The following CPB2 variants were observed in gnomAD, a reference collection of about 807,000 sequenced individuals.
The protein encoded by CPB2 is carboxypeptidase B-like protein.
Under a neutral mutation model 57.0 loss-of-function variants are expected in CPB2, and 54 were observed. That is an observed-to-expected ratio of 0.95 (90% confidence interval 0.76 to 1.19). The LOEUF (loss-of-function observed/expected upper bound fraction) is 1.19, where lower values mean the gene tolerates loss of function less well. Among genes scored for constraint, CPB2 ranks in the 50% most tolerant of loss-of-function variants. The pLI, the probability that CPB2 is intolerant of heterozygous loss-of-function variation, is 0.00. For missense variants in CPB2, 426 were observed against 512.0 expected (o/e 0.83, Z 1.62); for synonymous variants, 189 against 178.1 (o/e 1.06, Z -0.49).
At chr13:46,073,613 T>TTTTTTTTTTTTTTTTTTTTTTTTTTTG (rs1555309106) in intron 6 of CPB2, 1 of 253,692 alleles carries the variant, frequency 3.9e-6, no homozygotes, top group South Asian at 1.4e-4. Context: ...TACTATTTCT[T>TTTTTTTTTTTTTTTTTTTTTTTTTTTG]AATCATTTTC....
intron 4 of CPB2, among the ~76,000 whole-genome samples, chr13:46,079,270 T>C (rs2045070314): frequency 6.6e-6 from 1 of 152,140 alleles, no homozygotes; most frequent in African/African-American, 2.4e-5. Context: ...ATGAGACTTT[T>C]TTAAAAATGC....
intron 1 of CPB2, among the ~76,000 whole-genome samples, chr13:46,095,236 G>C (rs2045348646): frequency 1.3e-5 from 2 of 151,906 alleles, no homozygotes; most frequent in Admixed American, 6.6e-5. Context: ...TTGTTTCCTT[G>C]ACTGTAAGAC....
At chr13:46,066,630 G>T (rs191642655) in intron 7 of CPB2, among the ~76,000 whole-genome samples, 177 of 152,202 alleles carry the variant, frequency 1.2e-3, no homozygotes, top group African/African-American at 3.9e-3. Flanking sequence ...GCATCACAAG[G>T]GCAGGAGTTT....
chr13:46,061,803 T>C lies in CPB2; in HGVS notation c.796+2845A>G, dbSNP rs1210457134. Among the ~76,000 whole-genome samples the C allele has an allele frequency of 3.9e-5, 6 of 152,258 alleles. No individual in the cohort carries two copies. In the East Asian group the frequency reaches 9.6e-4, roughly 24 times the overall value. ...AACACACACACACACAAAATTTTAA[T>C]ACAGAGGAGCATAAAATGAGTAAGT... On this transcript the variant is annotated intron_variant, in intron 8 of 10. Coordinates refer to ENST00000181383, the MANE Select transcript of CPB2 (RefSeq NM_001872.5).
Position 46,053,818 on chromosome 13 carries a change from A to G in CPB2, c.1088-20T>C, listed in dbSNP as rs752962204. The G allele has an allele frequency of 1.2e-6, 2 of 1,600,492 alleles. No individual in the cohort carries two copies. The highest frequency in any genetic ancestry group is 1.7e-6 in the Non-Finnish European group (2 of 1,170,060). ...CTAGGTCTAAAAGAAGAAGAAAGAAATTGTTGAAATACAGACGTTTCAAAT... is the reference window on the plus strand; with the variant it reads ...CTAGGTCTAAAAGAAGAAGAAAGAAGTTGTTGAAATACAGACGTTTCAAAT... On this transcript the variant is annotated intron_variant, in intron 10 of 10. Transcript: ENST00000181383.
At chr13:46,095,156 A>G (rs1269251328) in intron 1 of CPB2, among the ~76,000 whole-genome samples, 1 of 152,170 alleles carries the variant, frequency 6.6e-6, no homozygotes, top group Non-Finnish European at 1.5e-5. Context: ...GGATTCCCCC[A>G]TCATTATTTC....
intron 5 of CPB2, among the ~76,000 whole-genome samples, chr13:46,076,072 CT>C (rs1400441155): frequency 1.3e-5 from 2 of 152,198 alleles, no homozygotes; most frequent in African/African-American, 4.8e-5. Flanking sequence ...CCTTGTCCGG[CT>C]GTTTGTCCCT....
intron 1 of CPB2, among the ~76,000 whole-genome samples, chr13:46,096,914 G>A (rs559595850): frequency 3.3e-5 from 5 of 152,344 alleles, no homozygotes; most frequent in East Asian, 1.9e-4. Flanking sequence ...GGTGGAAAAG[G>A]TGTTTCCAGT....
chr13:46,072,881 C>A (rs1004656621), intron 6 of CPB2, among the ~76,000 whole-genome samples: 1 of 152,170 alleles, frequency 6.6e-6, no homozygotes, highest in African/African-American at 2.4e-5. Context: ...GGTTCCAGAT[C>A]ATGATGTGAC....
intron 6 of CPB2, among the ~76,000 whole-genome samples, chr13:46,070,569 A>G (rs2044925055): frequency 6.6e-6 from 1 of 152,130 alleles, no homozygotes; most frequent in African/African-American, 2.4e-5. Context: ...AACAACAACA[A>G]TTCCTGCCTA....
intron 1 of CPB2, among the ~76,000 whole-genome samples, chr13:46,090,243 A>C (rs1375570063): frequency 6.6e-6 from 1 of 152,104 alleles, no homozygotes; most frequent in Non-Finnish European, 1.5e-5. Context: ...CATGAAAAAA[A>C]TGAAATTTTC....
chr13:46,089,385 G>A (rs184748077), intron 1 of CPB2, among the ~76,000 whole-genome samples: 17 of 152,262 alleles, frequency 1.1e-4, no homozygotes, highest in East Asian at 3.9e-4. Flanking sequence ...ATGGGAATGC[G>A]TGGGAGTGTT....
intron 5 of CPB2, among the ~76,000 whole-genome samples, chr13:46,074,847 G>A (rs968780985): frequency 1.3e-5 from 2 of 152,164 alleles, no homozygotes. Flanking sequence ...CTCCTAAGGA[G>A]CATGCAACCT....
chr13:46,087,072 C>G (rs1274400150), intron 2 of CPB2, among the ~76,000 whole-genome samples: 1 of 152,204 alleles, frequency 6.6e-6, no homozygotes, highest in African/African-American at 2.4e-5. Flanking sequence ...CCCAGCTGGG[C>G]AGCTGCAGCT....
chr13:46,092,548 CACAAA>C (rs2045308410), intron 1 of CPB2, among the ~76,000 whole-genome samples: 1 of 151,984 alleles, frequency 6.6e-6, no homozygotes, highest in Non-Finnish European at 1.5e-5. Flanking sequence ...GCTCTCAAAG[CACAAA>C]AGAGGTTATG....
chr13:46,104,168 G>A (rs750735184), intron 1 of CPB2, among the ~76,000 whole-genome samples: 8 of 151,984 alleles, frequency 5.3e-5, no homozygotes, highest in African/African-American at 1.7e-4. Context: ...TTCTTTCTTT[G>A]TCATTTACTA....
intron 6 of CPB2, among the ~76,000 whole-genome samples, chr13:46,068,125 G>A (rs1389191129): frequency 2.0e-5 from 3 of 152,112 alleles, no homozygotes; most frequent in South Asian, 2.1e-4. Context: ...TGGTCAAATC[G>A]TTTCATCTAG....
At chr13:46,087,195 C>T (rs778338723) in intron 2 of CPB2, among the ~76,000 whole-genome samples, 1 of 152,220 alleles carries the variant, frequency 6.6e-6, no homozygotes, top group Non-Finnish European at 1.5e-5. Flanking sequence ...ATGAGGCTGC[C>T]GCCCTGCCAT....
At chr13:46,060,549 G>A (rs570923441) in intron 8 of CPB2, among the ~76,000 whole-genome samples, 2 of 152,198 alleles carry the variant, frequency 1.3e-5, no homozygotes, top group Non-Finnish European at 2.9e-5. Flanking sequence ...CATTTCAAGT[G>A]TAACCAATAT....
Sources: gnomAD v4.1 joint callset for allele counts (sites outside exome capture counted in the v4.1 genomes callset) on GRCh38, gnomAD v4.1.1 for gene constraint, MANE v1.5 for transcripts, NCBI Gene and HGNC (gene_info 2026-07-23, HGNC 2026-07-21) for gene names.